Variants in TCF7L1 observed in about 807,000 individuals in gnomAD.
The protein encoded by TCF7L1 is transcription factor 7-like 1.
Under a neutral mutation model 63.7 loss-of-function variants are expected in TCF7L1, and 18 were observed. The ratio of observed to expected loss-of-function variants is 0.28; its 90% confidence interval spans 0.20 to 0.42. The LOEUF (loss-of-function observed/expected upper bound fraction) is 0.42. TCF7L1 is among the 10% of genes least tolerant of loss of function. The pLI is 1.00. For missense variants in TCF7L1, 654 were observed against 779.3 expected (o/e 0.84, Z 1.91); for synonymous variants, 355 against 340.9 (o/e 1.04, Z -0.46).
At chr2:85,151,142 A>C (rs1270008447) in intron 3 of TCF7L1, among the ~76,000 whole-genome samples, 1 of 152,228 alleles carries the variant, frequency 6.6e-6, no homozygotes, top group Non-Finnish European at 1.5e-5. Context: ...TCAAGAAACT[A>C]TACTGCAAGA....
chr2:85,265,800 T>G (rs2104350967), intron 3 of TCF7L1, among the ~76,000 whole-genome samples: 1 of 152,080 alleles, frequency 6.6e-6, no homozygotes, highest in East Asian at 1.9e-4. Context: ...TATATTTAAT[T>G]TTTTTAATTA....
At chr2:85,208,820 C>G (rs1281419271) in intron 3 of TCF7L1, among the ~76,000 whole-genome samples, 2 of 152,068 alleles carry the variant, frequency 1.3e-5, no homozygotes, top group Non-Finnish European at 2.9e-5. Context: ...AGTAATAGAT[C>G]ATTGAAAATG....
chr2:85,195,728 G>A (rs910108851), intron 3 of TCF7L1, among the ~76,000 whole-genome samples: 31 of 152,034 alleles, frequency 2.0e-4, no homozygotes, highest in South Asian at 6.2e-4. Flanking sequence ...TGTATTTTTT[G>A]TAGAGATGGG....
At chr2:85,214,667 G>A (rs1013252857) in intron 3 of TCF7L1, among the ~76,000 whole-genome samples, 5 of 152,182 alleles carry the variant, frequency 3.3e-5, no homozygotes, top group African/African-American at 1.2e-4. Context: ...TGATCTGGTG[G>A]TGGTGACACA....
chr2:85,219,739 A>G (rs1215886543), intron 3 of TCF7L1, among the ~76,000 whole-genome samples: 1 of 152,158 alleles, frequency 6.6e-6, no homozygotes, highest in Non-Finnish European at 1.5e-5. Context: ...AGAAAAAATA[A>G]GGGGCTAAAA....
At chr2:85,181,387 T>C (rs1400223666) in intron 3 of TCF7L1, among the ~76,000 whole-genome samples, 2 of 152,128 alleles carry the variant, frequency 1.3e-5, no homozygotes, top group Non-Finnish European at 2.9e-5. Flanking sequence ...GAAGGACATA[T>C]AGGAGGCTCC....
chr2:85,165,308 G>C (rs1177323130), intron 3 of TCF7L1, among the ~76,000 whole-genome samples: 1 of 152,206 alleles, frequency 6.6e-6, no homozygotes, highest in Non-Finnish European at 1.5e-5. Flanking sequence ...GTAGACTACG[G>C]CTTGCCTTCT....
intron 3 of TCF7L1, among the ~76,000 whole-genome samples, chr2:85,282,794 TTGTGTG>T (rs59628868): frequency 0.026 from 3,083 of 119,190 alleles, 44 homozygotes; most frequent in South Asian, 0.059. Context: ...GAGAGAGAGA[TTGTGTG>T]TGTGTGTGTG....
intron 3 of TCF7L1, among the ~76,000 whole-genome samples, chr2:85,252,891 C>T (rs1201289836): frequency 1.3e-5 from 2 of 152,204 alleles, no homozygotes; most frequent in Non-Finnish European, 2.9e-5. Context: ...AACAGAATGG[C>T]TTTCTGGTTT....
At chr2:85,192,010 C>T (rs1262743009) in intron 3 of TCF7L1, among the ~76,000 whole-genome samples, 1 of 152,064 alleles carries the variant, frequency 6.6e-6, no homozygotes, top group Non-Finnish European at 1.5e-5. Flanking sequence ...CTTTTGTTTT[C>T]ACTATGGTCC....
chr2:85,171,693 T>A (rs948549242), intron 3 of TCF7L1, among the ~76,000 whole-genome samples: 11 of 152,224 alleles, frequency 7.2e-5, no homozygotes, highest in Non-Finnish European at 1.5e-5. Flanking sequence ...AGCCAGGAAG[T>A]GAGGCTGGTT....
At chr2:85,256,004 G>A (rs184893209) in intron 3 of TCF7L1, among the ~76,000 whole-genome samples, 1 of 152,306 alleles carries the variant, frequency 6.6e-6, no homozygotes, top group East Asian at 1.9e-4. Flanking sequence ...GCAAATGGGA[G>A]GTTAATGTGC....
intron 3 of TCF7L1, among the ~76,000 whole-genome samples, chr2:85,252,736 C>T (rs1303082020): frequency 6.6e-6 from 1 of 152,180 alleles, no homozygotes; most frequent in East Asian, 1.9e-4. Flanking sequence ...ACAAGCTCCC[C>T]GAGGCCTGTG....
At chr2:85,193,001 C>T (rs2568210) in intron 3 of TCF7L1, among the ~76,000 whole-genome samples, 60,710 of 152,014 alleles carry the variant, frequency 0.4, 12,568 homozygotes, top group African/African-American at 0.48. Flanking sequence ...TCTTATCTAA[C>T]TGGGTAATCA....
rs1455645335 is a variant in TCF7L1 at position 85,309,353 on chromosome 2, C to T, written c.1658C>T (p.Thr553Ile). 1.9e-6 allele frequency: 3 copies of T among 1,611,686 alleles called. No individual in the cohort carries two copies. The East Asian group carries it at 6.7e-5, about 36-fold the overall frequency. ...SRPLPLGSMP[T>I]ALLASPPSFP... ...CCCCTCCCCCTTGGGTCCATGCCCACAGCTCTGCTGGCCTCTCCCCCGTCC... is the reference window on the plus strand; with the variant it reads ...CCCCTCCCCCTTGGGTCCATGCCCATAGCTCTGCTGGCCTCTCCCCCGTCC... Residue 553 changes from threonine to isoleucine, a missense_variant, in exon 12 of 12, where the codon ACA becomes ATA. Physicochemically the swap from Thr to Ile is moderately conservative, Grantham distance 89. Transcript: ENST00000282111.
At chr2:85,205,857 TCC>T (rs1679396906) in intron 3 of TCF7L1, among the ~76,000 whole-genome samples, 5 of 152,368 alleles carry the variant, frequency 3.3e-5, no homozygotes, top group African/African-American at 1.2e-4. Flanking sequence ...AGCAGTTTTC[TCC>T]ACACCTGTGC....
At chr2:85,189,767 T>C (rs1679005040) in intron 3 of TCF7L1, among the ~76,000 whole-genome samples, 1 of 152,176 alleles carries the variant, frequency 6.6e-6, no homozygotes, top group African/African-American at 2.4e-5. Flanking sequence ...GGGGCATTCA[T>C]GCGCCTCCGA....
Position 85,134,544 on chromosome 2 carries a change from C to T in TCF7L1, c.441+94C>T. 6.8e-7 allele frequency: 1 copy of T among 1,471,266 alleles called. No individual in the cohort carries two copies. Among genetic ancestry groups the T allele is most frequent in the Non-Finnish European group, 9.0e-7 (1 of 1,106,494 alleles). 91.1% of individuals were successfully genotyped at this position (1,471,266 alleles called of 1,614,324 possible). ...GCCATGGAGTGGGGGATGGGGCCTT[C>T]TGCGCCGATCCCAAGCAGAACTTGT... is the stretch of plus-strand genomic sequence containing the variant. On this transcript the variant is annotated intron_variant, in intron 3 of 11. Coordinates refer to ENST00000282111, the MANE Select transcript of TCF7L1 (RefSeq NM_031283.3). This position sits in a 1 kb window ranked among gnomAD's most constrained non-coding sequence, Gnocchi z 5.0.
At chr2:85,305,908 C>T (rs1360228817) in intron 8 of TCF7L1, among the ~76,000 whole-genome samples, 1 of 152,188 alleles carries the variant, frequency 6.6e-6, no homozygotes, top group African/African-American at 2.4e-5. Flanking sequence ...CCTGTCACCG[C>T]CGCCAGCACC....
Sources: allele counts gnomAD v4.1 joint callset (sites outside exome capture counted in the v4.1 genomes callset), GRCh38; gene constraint gnomAD v4.1.1; non-coding constraint Gnocchi (gnomAD v3.1); transcripts MANE v1.5; gene names NCBI Gene and HGNC (gene_info 2026-07-23, HGNC 2026-07-21).